The following GNL3L variants were observed in gnomAD, a reference collection of about 807,000 sequenced individuals.
The protein encoded by GNL3L is G protein nucleolar 3 like, also known as guanine nucleotide-binding protein-like 3-like protein.
In GNL3L, 4 loss-of-function variants were observed where a neutral mutation model predicts 42.9. The ratio of observed to expected loss-of-function variants is 0.09; its 90% CI spans 0.05 to 0.21. The LOEUF is 0.21. Among genes scored for constraint, GNL3L ranks in the 10% least tolerant of loss-of-function variants. The pLI, the probability that GNL3L is intolerant of heterozygous loss-of-function variation, is 1.00. For synonymous variants in GNL3L, 159 were observed against 176.3 expected (o/e 0.90, Z 0.78); for missense variants, 412 against 481.7 (o/e 0.86, Z 1.36).
At chrX:54,644,015 T>C in the GNL3L span, among the ~76,000 whole-genome samples, 1 of 112,409 alleles carries the variant, frequency 8.9e-6, no homozygotes, top group Non-Finnish European at 1.9e-5. Context: ...AATTCATCCG[T>C]TGATGGACAC....
chrX:54,598,825 C>T, intron 16 of GNL3L, among the ~76,000 whole-genome samples: 1 of 110,948 alleles, frequency 9.0e-6, no homozygotes, highest in East Asian at 2.8e-4. Context: ...ATATAAATCG[C>T]AAGATATAAA....
At chrX:54,642,545 A>AT in the GNL3L span, among the ~76,000 whole-genome samples, 962 of 109,255 alleles carry the variant, frequency 8.8e-3, 5 homozygotes, top group Non-Finnish European at 0.015. Flanking sequence ...TTAAAAAAAA[A>AT]TTTTTTTTCC....
the GNL3L span, among the ~76,000 whole-genome samples, chrX:54,631,662 G>A: frequency 1.8e-5 from 2 of 111,531 alleles, no homozygotes; most frequent in Non-Finnish European, 3.8e-5. Flanking sequence ...GAAACCTTAT[G>A]TGTTAGGTGA....
chrX:54,561,583 C>A lies in GNL3L; in HGVS notation c.*981C>A, dbSNP rs1433264191. ...TTAGTAGGGAGGCTTTAGGGGGAAG[C>A]CCCGTCTTGGGGGCATTTCTGGGCA... On this transcript the variant is annotated 3_prime_UTR_variant, in exon 16 of 16. Transcript: ENST00000360845. 8.9e-6 allele frequency among the ~76,000 whole-genome samples: 1 copy of A among 111,936 alleles called. No individual in the cohort carries two copies. The highest frequency in any genetic ancestry group is 1.9e-5 in the Non-Finnish European group (1 of 53,155).
chrX:54,634,988 T>C, the GNL3L span, among the ~76,000 whole-genome samples: 14 of 108,291 alleles, frequency 1.3e-4, no homozygotes, highest in Non-Finnish European at 1.3e-4. Context: ...GACAGGGTTT[T>C]GCCGTGTTGG....
At chrX:54,605,400 C>T (rs1436215571) in intron 16 of GNL3L, among the ~76,000 whole-genome samples, 1 of 111,435 alleles carries the variant, frequency 9.0e-6, no homozygotes, top group Admixed American at 9.6e-5. Context: ...AAGTCTGCTG[C>T]TGGCTCCAAA....
chrX:54,586,134 A>G (rs945444842), intron 16 of GNL3L, among the ~76,000 whole-genome samples: 4 of 111,244 alleles, frequency 3.6e-5, no homozygotes, highest in Non-Finnish European at 7.5e-5. Flanking sequence ...TAGGAAGGAG[A>G]AGGAAATGAA....
chrX:54,641,909 C>T, the GNL3L span, among the ~76,000 whole-genome samples: 1 of 111,640 alleles, frequency 9.0e-6, no homozygotes, highest in Non-Finnish European at 1.9e-5. Context: ...AATGAGGAAG[C>T]TGGGGCAGAT....
chrX:54,611,205 C>T, intron 16 of GNL3L, among the ~76,000 whole-genome samples: 1 of 111,558 alleles, frequency 9.0e-6, no homozygotes, highest in East Asian at 2.8e-4. Context: ...TCTCCTGTTT[C>T]ATTTCTTAGT....
chrX:54,590,899 C>T (rs776112069), intron 16 of GNL3L, among the ~76,000 whole-genome samples: 13 of 110,581 alleles, frequency 1.2e-4, no homozygotes, highest in Middle Eastern at 4.6e-3. Context: ...GGCACGATTT[C>T]GGCTCGCTGC....
intron 14 of GNL3L, 96 bp downstream of exon 14, chrX:54,554,788 G>GT (rs1269098738): frequency 5.0e-6 from 4 of 794,869 alleles, no homozygotes; most frequent in Middle Eastern, 3.2e-4. Flanking sequence ...GGTGAGATGT[G>GT]GGTAGTTCAC....
the GNL3L span, among the ~76,000 whole-genome samples, chrX:54,640,805 T>C: frequency 1.8e-5 from 2 of 112,394 alleles, no homozygotes; most frequent in Non-Finnish European, 3.8e-5. Flanking sequence ...CTTGTCTGTC[T>C]CCAGGCTGGT....
Position 54,551,025 on chromosome X carries a change from G to A in GNL3L, c.838G>A (p.Val280Met), listed in dbSNP as rs1924921785. The A allele has an allele frequency of 1.8e-6, 2 of 1,131,283 alleles. No homozygotes were observed. Among genetic ancestry groups the A allele is most frequent in the Non-Finnish European group, 2.4e-6 (2 of 822,092 alleles). 93.2% of individuals were successfully genotyped at this position (1,131,283 alleles called of 1,213,427 possible). ...CCTGAAGCGCAGCCGCGCATGCAGCGTGGGAGCTGTTCCTGGAATTACCAA... is the reference window on the plus strand; with the variant it reads ...CCTGAAGCGCAGCCGCGCATGCAGCATGGGAGCTGTTCCTGGAATTACCAA... ...NSLKRSRACS[V>M]GAVPGITKFM... is the part of the protein sequence containing the mutation. Residue 280 changes from valine (V) to methionine (M), a missense_variant, in exon 10 of 16, where the codon GTG becomes ATG. By Grantham distance (21) the Val-to-Met change is conservative (BLOSUM62 1). Coordinates refer to ENST00000360845, the MANE Select transcript of GNL3L (RefSeq NM_001184819.2).
rs1926105985 is a variant in GNL3L at position 54,607,119 on chromosome X, T to G, written c.*46-13726T>G. Among the ~76,000 whole-genome samples the G allele has an allele frequency of 5.8e-5, 5 of 85,998 alleles. No homozygotes were observed. In the East Asian group the frequency reaches 1.1e-3, roughly 19 times the overall value. The allele number at this position is 85,998 out of a possible 115,157, so 74.7% of individuals were successfully genotyped here. A position where few individuals can be genotyped will look rare whatever the true frequency, so the allele number is the denominator to read the frequency against. ...TTTCTTTCTTTCTTTCTTTCTTTCT[T>G]TCTTTCTTTCTTTCTTTCTTTGTCT... On this transcript the variant is annotated intron_variant, in intron 16 of 16. Coordinates refer to the GNL3L transcript ENST00000674498.
At position 54,560,720 on chromosome X, in the gene GNL3L, C is replaced by A; in HGVS notation, c.*118C>A. 1 of 519,814 alleles carries A rather than the reference C, an allele frequency of 1.9e-6. No homozygotes were observed. Among genetic ancestry groups the A allele is most frequent in the Non-Finnish European group, 3.4e-6 (1 of 296,357 alleles). The allele number at this position is 519,814 out of a possible 1,213,427, so 42.8% of individuals were successfully genotyped here. On this transcript the variant is annotated 3_prime_UTR_variant, in exon 16 of 16. Coordinates refer to ENST00000360845, the MANE Select transcript of GNL3L (RefSeq NM_001184819.2). ...GCATATTGAAAGAACGCTTTCCCCA[C>A]TGTGTGTCTTCTCCCCCTCCTCCAG...
Position 54,563,789 on chromosome X carries a change from GA to G in GNL3L, c.*3196del, listed in dbSNP as rs983425176. On this transcript the variant is annotated 3_prime_UTR_variant, in exon 16 of 16. Transcript: ENST00000360845. ...CAACAGAGTGAGACTGTCTCAGGGG[GA>G]AAAAAAAAGAGGAAAACAAAAAAGA... is the stretch of plus-strand genomic sequence containing the variant. Among the ~76,000 whole-genome samples the G allele has an allele frequency of 4.6e-5, 5 of 107,769 alleles. No homozygotes were observed. The highest frequency in any genetic ancestry group is 4.0e-4 in the South Asian group (1 of 2,512). The allele number at this position is 107,769 out of a possible 115,157, so 93.6% of individuals were successfully genotyped here.
At chrX:54,631,519 T>C in the GNL3L span, among the ~76,000 whole-genome samples, 2 of 111,887 alleles carry the variant, frequency 1.8e-5, no homozygotes, top group Non-Finnish European at 3.8e-5. Flanking sequence ...TTATGTAATG[T>C]CCCTCTTTGT....
the GNL3L span, among the ~76,000 whole-genome samples, chrX:54,645,228 T>C: frequency 8.9e-6 from 1 of 112,049 alleles, no homozygotes; most frequent in African/African-American, 3.2e-5. Context: ...CTAATTGTGT[T>C]ATGTATTGCC....
intron 8 of GNL3L, among the ~76,000 whole-genome samples, chrX:54,547,212 G>T (rs1308709276): frequency 1.8e-5 from 2 of 108,611 alleles, no homozygotes; most frequent in Non-Finnish European, 3.8e-5. Context: ...GGCCAGGCTG[G>T]TCTTAAACTC....
Sources: gnomAD v4.1 joint callset for allele counts (sites outside exome capture counted in the v4.1 genomes callset) on GRCh38, gnomAD v4.1.1 for gene constraint, MANE v1.5 for transcripts, NCBI Gene and HGNC (gene_info 2026-07-23, HGNC 2026-07-21) for gene names.